Variants in ERG observed in about 807,000 individuals in gnomAD.
ERG encodes ETS transcription factor ERG, also known as transcriptional regulator ERG.
A neutral mutation model predicts 55.3 loss-of-function variants in ERG; 9 were observed. The ratio of observed to expected loss-of-function variants is 0.16; its 90% confidence interval spans 0.10 to 0.28. The LOEUF is 0.28. Ranked by LOEUF, ERG falls within the 10% of genes least tolerant of loss-of-function variation. The pLI, the probability that ERG is intolerant of heterozygous loss-of-function variation, is 1.00. For missense variants in ERG, 434 were observed against 631.6 expected (o/e 0.69, Z 3.35); for synonymous variants, 223 against 237.3 (o/e 0.94, Z 0.55).
At chr21:38,640,674 G>A (rs762758818) in intron 1 of ERG, among the ~76,000 whole-genome samples, 5 of 152,170 alleles carry the variant, frequency 3.3e-5, no homozygotes, top group Admixed American at 6.5e-5. Flanking sequence ...CCCCAGCCAC[G>A]TGGAACTGTG....
chr21:38,553,706 G>A lies in ERG; in HGVS notation c.-41+21956C>T, dbSNP rs555744444. On this transcript the variant is annotated intron_variant, in intron 2 of 8. Coordinates refer to the ERG transcript ENST00000398897. Reference sequence around the variant, plus strand: ...CTCAAGATGGATTAAAGACTTAAATGTAAATCATACAACTATAAAAACCTA... The same window carrying A: ...CTCAAGATGGATTAAAGACTTAAATATAAATCATACAACTATAAAAACCTA... Among the ~76,000 whole-genome samples the A allele has an allele frequency of 3.3e-5, 5 of 152,216 alleles. No homozygotes were observed. In the East Asian group the frequency reaches 9.7e-4, roughly 29 times the overall value.
At chr21:38,652,065 C>G (rs1436466304) in intron 1 of ERG, among the ~76,000 whole-genome samples, 2 of 152,358 alleles carry the variant, frequency 1.3e-5, no homozygotes, top group East Asian at 3.9e-4. Flanking sequence ...AGACTGCTTT[C>G]TTCCCTACCT....
Position 38,478,478 on chromosome 21 carries a change from GA to G in ERG, c.18+19884del, listed in dbSNP as rs145370140. 1.8e-4 allele frequency among the ~76,000 whole-genome samples: 28 copies of G among 152,252 alleles called. No individual in the cohort carries two copies. In the East Asian group the frequency reaches 3.1e-3, roughly 17 times the overall value. On this transcript the variant is annotated intron_variant, in intron 1 of 9. Transcript: ENST00000288319. ...GTTTCTTGGTGTCTTAGCTTGAGGT[GA>G]GGTGAAGATGGGCTATGGGCACGTG...
intron 2 of ERG, among the ~76,000 whole-genome samples, chr21:38,573,390 G>A (rs1398522771): frequency 6.6e-6 from 1 of 152,176 alleles, no homozygotes; most frequent in Non-Finnish European, 1.5e-5. Context: ...GTCTGCCCCT[G>A]GGAACTGAAT....
intron 1 of ERG, among the ~76,000 whole-genome samples, chr21:38,593,275 A>G (rs2060112235): frequency 6.6e-6 from 1 of 152,368 alleles, no homozygotes; most frequent in South Asian, 2.1e-4. Context: ...TCAAGAAAGT[A>G]AAAGCAACTA....
chr21:38,654,434 T>C (rs2060506600), intron 1 of ERG, among the ~76,000 whole-genome samples: 1 of 152,238 alleles, frequency 6.6e-6, no homozygotes, highest in African/African-American at 2.4e-5. Flanking sequence ...AATGTGCCAT[T>C]GCACTCCAGC....
chr21:38,653,724 T>C (rs971985244), intron 1 of ERG, among the ~76,000 whole-genome samples: 2 of 152,328 alleles, frequency 1.3e-5, no homozygotes, highest in Admixed American at 6.5e-5. Flanking sequence ...AATTTGCAGT[T>C]GTTCGTCTAA....
chr21:38,377,187 G>T (rs867975136), downstream of ERG, among the ~76,000 whole-genome samples: 4 of 152,348 alleles, frequency 2.6e-5, no homozygotes, highest in Middle Eastern at 3.4e-3. Flanking sequence ...AAATGAAAAA[G>T]ATAGTGTATG....
At chr21:38,476,875 T>A in intron 1 of ERG, among the ~76,000 whole-genome samples, 1 of 152,082 alleles carries the variant, frequency 6.6e-6, no homozygotes, top group East Asian at 1.9e-4. Flanking sequence ...AGCGTAAAAA[T>A]TAACTGGAGG....
intron 1 of ERG, among the ~76,000 whole-genome samples, chr21:38,627,941 TTC>T (rs1491503918): frequency 5.9e-4 from 74 of 125,586 alleles, no homozygotes; most frequent in South Asian, 1.2e-3. Context: ...GAGTTTTCTC[TTC>T]TTTTTTTTTT....
At chr21:38,586,813 C>T (rs896718261), upstream of ERG, among the ~76,000 whole-genome samples, 7 of 152,292 alleles carry the variant, frequency 4.6e-5, no homozygotes, top group Middle Eastern at 6.8e-3. Flanking sequence ...AAAATGAAAT[C>T]GGTATGTCAA....
At position 38,382,325 on chromosome 21, in the gene ERG, C is replaced by G. The variant is rs1275241339; in HGVS notation, c.*1078G>C. The G allele has an allele frequency of 9.5e-7, 1 of 1,057,144 alleles. No individual in the cohort carries two copies. Among genetic ancestry groups the G allele is most frequent in the African/African-American group, 1.7e-5 (1 of 60,570 alleles). The allele number at this position is 1,057,144 out of a possible 1,614,324, so 65.5% of individuals were successfully genotyped here. On this transcript the variant is annotated 3_prime_UTR_variant, in exon 10 of 10. Coordinates refer to ENST00000288319, the MANE Select transcript of ERG (RefSeq NM_182918.4). ...AACTGGAGGCCGCCTACCCAAAATG[C>G]CTGCGTGATTTCTGATTGTGGCAGC...
the ERG span, chr21:38,367,798 T>G: frequency 2.5e-6 from 1 of 398,316 alleles, no homozygotes; most frequent in Non-Finnish European, 4.9e-6. Context: ...GCAAACCTTC[T>G]GTGGAATAAC....
chr21:38,577,763 C>A (rs910575825), intron 1 of ERG, among the ~76,000 whole-genome samples: 2 of 152,214 alleles, frequency 1.3e-5, no homozygotes, highest in Admixed American at 6.5e-5. Context: ...CACTGCACAA[C>A]CCTGCTCTGG....
chr21:38,392,675 C>T (rs189513793), intron 6 of ERG, among the ~76,000 whole-genome samples: 77 of 152,320 alleles, frequency 5.1e-4, no homozygotes, highest in South Asian at 1.2e-3. Flanking sequence ...GGCAGATTCT[C>T]CCAGAGCTTT....
At chr21:38,618,928 A>G (rs925645903) in intron 1 of ERG, among the ~76,000 whole-genome samples, 2 of 152,316 alleles carry the variant, frequency 1.3e-5, no homozygotes, top group African/African-American at 2.4e-5. Context: ...CCAATCCTGA[A>G]AATTTAGCAA....
At chr21:38,394,356 C>CTT (rs903246496) in intron 6 of ERG, among the ~76,000 whole-genome samples, 1 of 139,848 alleles carries the variant, frequency 7.2e-6, no homozygotes. Flanking sequence ...TGTTTATTAT[C>CTT]TTTTTTTTTT....
chr21:38,413,786 T>G (rs1391601414), intron 3 of ERG, among the ~76,000 whole-genome samples: 2 of 152,140 alleles, frequency 1.3e-5, no homozygotes, highest in South Asian at 2.1e-4. Context: ...GTTTTAGAAA[T>G]GCAATGGCTT....
intron 2 of ERG, among the ~76,000 whole-genome samples, chr21:38,557,163 C>T (rs142911212): frequency 1.3e-5 from 2 of 152,286 alleles, no homozygotes; most frequent in African/African-American, 4.8e-5. Flanking sequence ...TGACCTTGTG[C>T]CACTGATATC....
Sources: allele counts gnomAD v4.1 joint callset (sites outside exome capture counted in the v4.1 genomes callset), GRCh38; gene constraint gnomAD v4.1.1; transcripts MANE v1.5; gene names NCBI Gene and HGNC (gene_info 2026-07-23, HGNC 2026-07-21).